The following PKD2 variants were observed in gnomAD, a reference collection of about 807,000 sequenced individuals.
PKD2 encodes polycystin-2.
A neutral mutation model predicts 105.9 loss-of-function variants in PKD2; 48 were observed. The observed-to-expected ratio is 0.45, with a 90% CI of 0.36 to 0.58. The LOEUF is 0.58. PKD2 is among the 20% of genes least tolerant of loss of function. PKD2 has a pLI of 0.00. For missense variants in PKD2, 1,078 were observed against 1,255.3 expected (o/e 0.86, Z 2.13); for synonymous variants, 464 against 481.1 (o/e 0.96, Z 0.46).
intron 5 of PKD2, among the ~76,000 whole-genome samples, chr4:88,044,748 T>C (rs1727706467): frequency 6.6e-6 from 1 of 152,214 alleles, no homozygotes; most frequent in Non-Finnish European, 1.5e-5. Flanking sequence ...ATGTTGACAA[T>C]GACCTGTCAC....
chr4:88,027,568 CGAATTAAGACATTG>C (rs1188976956), intron 2 of PKD2, among the ~76,000 whole-genome samples: 1 of 152,076 alleles, frequency 6.6e-6, no homozygotes, highest in Admixed American at 6.5e-5. Context: ...AATGTTGGAA[CGAATTAAGACATTG>C]GGGTTCTGTT....
chr4:88,074,436 C>A (rs1037242682), intron 13 of PKD2, among the ~76,000 whole-genome samples: 1 of 152,090 alleles, frequency 6.6e-6, no homozygotes, highest in African/African-American at 2.4e-5. Context: ...TCATGCCCTA[C>A]CCCCCCATCA....
At chr4:88,049,247 T>C (rs1727886764) in intron 6 of PKD2, among the ~76,000 whole-genome samples, 1 of 152,254 alleles carries the variant, frequency 6.6e-6, no homozygotes, top group Non-Finnish European at 1.5e-5. Flanking sequence ...ATACATAGAA[T>C]TTTAAAGATT....
chr4:88,037,887 T>C (rs1727398600), intron 3 of PKD2, among the ~76,000 whole-genome samples: 1 of 152,184 alleles, frequency 6.6e-6, no homozygotes, highest in African/African-American at 2.4e-5. Context: ...TTTAGAACCA[T>C]GATTGTGTGG....
At chr4:88,051,209 CCCTTGGCTCATA>C (rs1173557257) in intron 6 of PKD2, among the ~76,000 whole-genome samples, 1 of 152,148 alleles carries the variant, frequency 6.6e-6, no homozygotes, top group East Asian at 1.9e-4. Flanking sequence ...AAGAGAGAAG[CCCTTGGCTCATA>C]TATTCCCACT....
intron 9 of PKD2, among the ~76,000 whole-genome samples, chr4:88,061,568 T>A (rs539132682): frequency 6.6e-6 from 1 of 152,116 alleles, no homozygotes; most frequent in African/African-American, 2.4e-5. Context: ...TGAAACACTG[T>A]CTCTACTAAA....
intron 7 of PKD2, among the ~76,000 whole-genome samples, chr4:88,055,208 T>C (rs573352044): frequency 6.6e-6 from 1 of 152,340 alleles, no homozygotes; most frequent in South Asian, 2.1e-4. Flanking sequence ...GGGGATAGAA[T>C]GCCAATATTT....
intron 6 of PKD2, among the ~76,000 whole-genome samples, chr4:88,050,042 T>G (rs750205155): frequency 6.8e-6 from 1 of 146,262 alleles, no homozygotes; most frequent in Non-Finnish European, 1.5e-5. Context: ...TGGCACCATC[T>G]CGGCTCACTG....
At chr4:88,045,839 C>T (rs1008405091) in intron 5 of PKD2, among the ~76,000 whole-genome samples, 3 of 152,142 alleles carry the variant, frequency 2.0e-5, no homozygotes, top group Non-Finnish European at 2.9e-5. Flanking sequence ...CTATTTGATG[C>T]TATTTAGGTG....
At chr4:88,036,389 A>G (rs1727334769) in intron 3 of PKD2, 36 bp downstream of exon 3, 3 of 1,610,342 alleles carry the variant, frequency 1.9e-6, no homozygotes, top group Non-Finnish European at 2.5e-6. Context: ...CCTCTCTATC[A>G]CAGAAAATTG....
At chr4:88,050,163 A>G (rs1371845913) in intron 6 of PKD2, among the ~76,000 whole-genome samples, 1 of 151,888 alleles carries the variant, frequency 6.6e-6, no homozygotes, top group Non-Finnish European at 1.5e-5. Flanking sequence ...TTTAGTAGAG[A>G]CAGGGTTTCA....
chr4:88,054,650 CTTTTTTTTTTTTTT>C (rs1184325520), intron 7 of PKD2, among the ~76,000 whole-genome samples: 1 of 81,374 alleles, frequency 1.2e-5, no homozygotes, highest in Admixed American at 1.4e-4. Flanking sequence ...CATGACTCTA[CTTTTTTTTTTTTTT>C]TTTTTTTTGG....
intron 4 of PKD2, 21 bp downstream of exon 4, chr4:88,038,522 G>A: frequency 6.2e-7 from 1 of 1,612,116 alleles, no homozygotes; most frequent in Non-Finnish European, 8.5e-7. Flanking sequence ...GTGACTCATT[G>A]CCACTCGGTG....
chr4:88,069,297 C>A (rs371395561), intron 13 of PKD2, among the ~76,000 whole-genome samples: 2 of 151,962 alleles, frequency 1.3e-5, no homozygotes, highest in East Asian at 3.9e-4. Context: ...TTAATGTTAT[C>A]ATTGATGTAG....
chr4:88,014,486 T>TAAAAA (rs33970692), intron 1 of PKD2, among the ~76,000 whole-genome samples: 1 of 144,706 alleles, frequency 6.9e-6, no homozygotes, highest in Non-Finnish European at 1.5e-5. Context: ...ACACTGTCTC[T>TAAAAA]AAAAAAAAAA....
chr4:88,049,203 T>C (rs1727884873), intron 6 of PKD2, among the ~76,000 whole-genome samples: 1 of 152,238 alleles, frequency 6.6e-6, no homozygotes, highest in Admixed American at 6.5e-5. Flanking sequence ...GTGTGCCTAC[T>C]TTGGTGTAAC....
At chr4:88,051,851 CTT>C (rs1310226735) in intron 6 of PKD2, 138 bp from the exon 7 acceptor site, 33 of 601,406 alleles carry the variant, frequency 5.5e-5, no homozygotes, top group Non-Finnish European at 9.5e-5. Flanking sequence ...GAGTGAGTGA[CTT>C]TTAAGAATGA....
intron 1 of PKD2, among the ~76,000 whole-genome samples, chr4:88,009,687 C>A (rs1273204370): frequency 1.3e-5 from 2 of 152,140 alleles, no homozygotes; most frequent in Admixed American, 6.5e-5. Flanking sequence ...TGATGGGGAA[C>A]AGAAGATCCT....
intron 1 of PKD2, among the ~76,000 whole-genome samples, chr4:88,009,983 C>A (rs753323823): frequency 6.6e-6 from 1 of 151,914 alleles, no homozygotes; most frequent in Non-Finnish European, 1.5e-5. Flanking sequence ...AAATTTATTT[C>A]TTTTAAAGGA....
Sources: allele counts gnomAD v4.1 joint callset (sites outside exome capture counted in the v4.1 genomes callset), GRCh38; gene constraint gnomAD v4.1.1; transcripts MANE v1.5; gene names NCBI Gene and HGNC (gene_info 2026-07-23, HGNC 2026-07-21).